SLC44A5: variants seen among roughly 807,000 people sequenced by gnomAD.
SLC44A5 encodes the protein solute carrier family 44 member 5.
SLC44A5 carries 57 observed loss-of-function variants against 101.8 expected under a neutral mutation model. The ratio of observed to expected loss-of-function variants is 0.56; its 90% confidence interval spans 0.45 to 0.70. The LOEUF is 0.70. Among genes scored for constraint, SLC44A5 ranks in the 30% least tolerant of loss-of-function variants. The pLI, the probability that SLC44A5 is intolerant of heterozygous loss-of-function variation, is 0.00. For missense variants in SLC44A5, 737 were observed against 853.1 expected, an observed-to-expected ratio of 0.86 and a Z score of 1.70; for synonymous variants, 281 against 290.9, an observed-to-expected ratio of 0.97 and a Z score of 0.35.
chr1:75,278,298 A>T (rs1394747563), intron 5 of SLC44A5, among the ~76,000 whole-genome samples: 2 of 152,108 alleles, frequency 1.3e-5, no homozygotes, highest in African/African-American at 4.8e-5. Context: ...AAATGTAGCT[A>T]TCAGAAAATT....
chr1:75,678,173 C>A, the SLC44A5 span, among the ~76,000 whole-genome samples: 27 of 152,156 alleles, frequency 1.8e-4, no homozygotes, highest in African/African-American at 5.5e-4. Flanking sequence ...AAGGCTGAAG[C>A]GAGGCTGGGG....
At chr1:75,260,896 A>G (rs527962676) in intron 6 of SLC44A5, among the ~76,000 whole-genome samples, 3 of 152,306 alleles carry the variant, frequency 2.0e-5, no homozygotes, top group East Asian at 1.9e-4. Context: ...AAGTACATGG[A>G]AAGTAGACAA....
intron 3 of SLC44A5, among the ~76,000 whole-genome samples, chr1:75,361,443 G>A (rs534368792): frequency 4.4e-4 from 67 of 152,096 alleles, no homozygotes; most frequent in African/African-American, 1.5e-3. Flanking sequence ...CAGTATGTTA[G>A]TTTCACTATT....
chr1:75,623,300 T>C, the SLC44A5 span, among the ~76,000 whole-genome samples: 3 of 152,036 alleles, frequency 2.0e-5, no homozygotes, highest in Admixed American at 6.6e-5. Context: ...CCTCTAAGAA[T>C]GTGATGTTTA....
intron 2 of SLC44A5, among the ~76,000 whole-genome samples, chr1:75,536,096 C>T (rs1670984171): frequency 1.3e-5 from 2 of 150,814 alleles, no homozygotes; most frequent in Admixed American, 6.6e-5. Context: ...TTGCTAAATC[C>T]GAAACAGTAG....
intron 6 of SLC44A5, among the ~76,000 whole-genome samples, chr1:75,262,957 TTTACC>T (rs1025993358): frequency 6.6e-6 from 1 of 152,030 alleles, no homozygotes; most frequent in African/African-American, 2.4e-5. Flanking sequence ...GGATCCCTTC[TTTACC>T]TTATACAAAA....
chr1:75,589,071 G>T (rs1198939802), intron 1 of SLC44A5, among the ~76,000 whole-genome samples: 1 of 152,080 alleles, frequency 6.6e-6, no homozygotes, highest in Non-Finnish European at 1.5e-5. Context: ...AAGTTTGGAG[G>T]AACTGCATTC....
At chr1:75,601,059 C>T (rs1460967863) in intron 1 of SLC44A5, among the ~76,000 whole-genome samples, 1 of 152,162 alleles carries the variant, frequency 6.6e-6, no homozygotes, top group East Asian at 1.9e-4. Context: ...AGTTCTGAGA[C>T]TTCCTGTCTA....
In SLC44A5 at chr1:75,202,199, T is replaced by G. The variant is rs1486097569; in HGVS notation, c.*1528A>C. On this transcript the variant is annotated 3_prime_UTR_variant, in exon 24 of 24. Transcript: ENST00000370859. ...AAGTAACAACAAATTTCATTAAATA[T>G]TAAACATTTTAATTATCAAAGATAT... 6.6e-6 allele frequency: 1 copy of G among 152,206 alleles called. No homozygotes were observed. Among genetic ancestry groups the G allele is most frequent in the Non-Finnish European group, 1.5e-5 (1 of 68,022 alleles). The allele number at this position is 152,206 out of a possible 1,614,324, so 9.4% of individuals were successfully genotyped here. A position where few individuals can be genotyped will look rare whatever the true frequency, so the allele number is the denominator to read the frequency against.
chr1:75,561,807 T>A (rs1027164283), intron 1 of SLC44A5, among the ~76,000 whole-genome samples: 2 of 152,190 alleles, frequency 1.3e-5, no homozygotes, highest in Non-Finnish European at 2.9e-5. Context: ...CATTGTGTAT[T>A]ATTATTGTAA....
intron 2 of SLC44A5, among the ~76,000 whole-genome samples, chr1:75,412,630 G>A (rs936150768): frequency 3.9e-5 from 6 of 152,076 alleles, no homozygotes; most frequent in Non-Finnish European, 8.8e-5. Context: ...CCACAGTTTT[G>A]CTTTCTGTAA....
chr1:75,453,838 G>A (rs1025445346), intron 2 of SLC44A5, among the ~76,000 whole-genome samples: 1 of 152,058 alleles, frequency 6.6e-6, no homozygotes, highest in African/African-American at 2.4e-5. Context: ...ATTCTCCCAA[G>A]ATTGAATCAG....
the SLC44A5 span, among the ~76,000 whole-genome samples, chr1:75,678,675 A>G: frequency 6.6e-6 from 1 of 151,520 alleles, no homozygotes; most frequent in African/African-American, 2.4e-5. Flanking sequence ...AACAGAACAG[A>G]AAAACTGGAA....
chr1:75,302,286 G>A (rs935935131), intron 4 of SLC44A5, among the ~76,000 whole-genome samples: 5 of 151,654 alleles, frequency 3.3e-5, no homozygotes, highest in Admixed American at 3.3e-4. Flanking sequence ...ATGCATACAG[G>A]TAAGAAACTC....
At chr1:75,677,821 G>T in the SLC44A5 span, 1 of 393,544 alleles carries the variant, frequency 2.5e-6, no homozygotes, top group African/African-American at 2.2e-5. Flanking sequence ...CGCAGAAGAT[G>T]GGTGATTTCT....
intron 1 of SLC44A5, among the ~76,000 whole-genome samples, chr1:75,565,081 G>A (rs1370839889): frequency 6.6e-6 from 1 of 152,130 alleles, no homozygotes; most frequent in Non-Finnish European, 1.5e-5. Flanking sequence ...TAATCTATAA[G>A]TTGTTGACCA....
intron 5 of SLC44A5, among the ~76,000 whole-genome samples, chr1:75,294,056 T>TA (rs1367021198): frequency 6.6e-6 from 1 of 152,318 alleles, no homozygotes; most frequent in African/African-American, 2.4e-5. Context: ...TGGAACAATT[T>TA]AAAAAACAAT....
intron 1 of SLC44A5, among the ~76,000 whole-genome samples, chr1:75,596,729 G>A (rs1438358531): frequency 1.3e-5 from 2 of 152,048 alleles, no homozygotes; most frequent in African/African-American, 4.8e-5. Flanking sequence ...TGCAGAAAGG[G>A]CTTTTGATAA....
chr1:75,465,083 C>T (rs575003635), intron 2 of SLC44A5, among the ~76,000 whole-genome samples: 1 of 152,146 alleles, frequency 6.6e-6, no homozygotes, highest in Non-Finnish European at 1.5e-5. Context: ...CTACAGAATA[C>T]ACATTTTTTG....
Sources: allele counts gnomAD v4.1 joint callset (sites outside exome capture counted in the v4.1 genomes callset), GRCh38; gene constraint gnomAD v4.1.1; transcripts MANE v1.5; gene names NCBI Gene and HGNC (gene_info 2026-07-23, HGNC 2026-07-21).